The following GPR89A variants were observed in gnomAD, a reference collection of about 807,000 sequenced individuals.
GPR89A encodes G protein-coupled receptor 89A.
Under a neutral mutation model 52.0 loss-of-function variants are expected in GPR89A, and 16 were observed. That is an observed-to-expected ratio of 0.31 (90% CI 0.21 to 0.47). The LOEUF is 0.47. Among genes scored for constraint, GPR89A ranks in the 20% least tolerant of loss-of-function variants. The pLI is 1.00. For missense variants in GPR89A, 135 were observed against 449.4 expected (o/e 0.30, Z 6.33); for synonymous variants, 55 against 150.9 (o/e 0.36, Z 4.66).
intron 7 of GPR89A, among the ~76,000 whole-genome samples, chr1:145,634,955 T>C (rs1313623385): frequency 1.3e-5 from 2 of 152,150 alleles, no homozygotes; most frequent in African/African-American, 4.8e-5. Context: ...ATGAAGCTTA[T>C]TAGTCTACTC....
chr1:145,657,830 CTG>C (rs1185960855), intron 10 of GPR89A, among the ~76,000 whole-genome samples: 12 of 149,392 alleles, frequency 8.0e-5, no homozygotes, highest in East Asian at 2.0e-4. Flanking sequence ...CCTGTAGAGA[CTG>C]TTATTTTTTT....
intron 3 of GPR89A, among the ~76,000 whole-genome samples, chr1:145,620,191 A>G (rs1227462537): frequency 6.6e-6 from 1 of 152,152 alleles, no homozygotes; most frequent in Non-Finnish European, 1.5e-5. Context: ...TCTTCTGTAA[A>G]GGGCCAGATA....
intron 5 of GPR89A, among the ~76,000 whole-genome samples, chr1:145,626,133 T>C (rs1553688991): frequency 6.6e-6 from 1 of 150,688 alleles, no homozygotes; most frequent in African/African-American, 2.5e-5. Context: ...AGTTCTCATA[T>C]AAACCTATTT....
At chr1:145,660,916 G>A (rs1271800550) in intron 10 of GPR89A, among the ~76,000 whole-genome samples, 1 of 151,662 alleles carries the variant, frequency 6.6e-6, no homozygotes, top group Non-Finnish European at 1.5e-5. Flanking sequence ...CAGGGATCTA[G>A]AACTAGAAAT....
intron 3 of GPR89A, among the ~76,000 whole-genome samples, chr1:145,619,765 C>T (rs1230530652): frequency 2.0e-5 from 3 of 152,050 alleles, no homozygotes; most frequent in Non-Finnish European, 4.4e-5. Context: ...CCTGTAATCC[C>T]AGCACTTTGG....
Position 145,670,474 on chromosome 1 carries a change from T to TAAAA in GPR89A, c.*435_*436insAAAA, listed in dbSNP as rs1559055023. On this transcript the variant is annotated 3_prime_UTR_variant, in exon 14 of 14. Coordinates refer to ENST00000313835, the MANE Select transcript of GPR89A (RefSeq NM_001097612.2). Reference sequence around the variant, plus strand: ...ATCAGAGACTGTAACACTTTTGCCTTACGTTCATTTTATCAAGCATAGCTT... The same window carrying TAAAA: ...ATCAGAGACTGTAACACTTTTGCCTTAAAAACGTTCATTTTATCAAGCATAGCTT... 3.6e-6 allele frequency: 1 copy of TAAAA among 274,892 alleles called. No homozygotes were observed. The highest frequency in any genetic ancestry group is 2.2e-5 in the African/African-American group (1 of 44,826). The allele number at this position is 274,892 out of a possible 1,614,324, so 17.0% of individuals were successfully genotyped here. A position where few individuals can be genotyped will look rare whatever the true frequency, so the allele number is the denominator to read the frequency against.
At chr1:145,650,765 C>T (rs1214715545) in intron 10 of GPR89A, among the ~76,000 whole-genome samples, 17 of 150,508 alleles carry the variant, frequency 1.1e-4, no homozygotes, top group Non-Finnish European at 1.9e-4. Flanking sequence ...TTTTTTCATA[C>T]GTTTGTTGGC....
intron 2 of GPR89A, among the ~76,000 whole-genome samples, chr1:145,617,793 C>T (rs1559024263): frequency 1.3e-5 from 2 of 152,168 alleles, no homozygotes; most frequent in Non-Finnish European, 2.9e-5. Context: ...CTAGTTAGTT[C>T]TCCTAATTAG....
intron 12 of GPR89A, among the ~76,000 whole-genome samples, chr1:145,668,090 T>C (rs1553696783): frequency 6.6e-6 from 1 of 152,214 alleles, no homozygotes; most frequent in African/African-American, 2.4e-5. Flanking sequence ...TAGAGTAGTT[T>C]TTTCCAATTC....
Position 145,613,240 on chromosome 1 carries a change from A to G in GPR89A, c.43-2994A>G, listed in dbSNP as rs1648426213. On this transcript the variant is annotated intron_variant, in intron 1 of 13. Coordinates refer to ENST00000313835, the MANE Select transcript of GPR89A (RefSeq NM_001097612.2). ...TCTTTCTCCAGTATTCTTTATATAA[A>G]TTGGGTAGCTTCACTCTTCATCCTG... Among the ~76,000 whole-genome samples, 3 of 150,964 alleles carry G rather than the reference A, an allele frequency of 2.0e-5. No homozygotes were observed. The South Asian group carries it at 6.3e-4, about 32-fold the overall frequency.
At chr1:145,642,859 C>G (rs1650744892) in intron 7 of GPR89A, among the ~76,000 whole-genome samples, 1 of 151,672 alleles carries the variant, frequency 6.6e-6, no homozygotes, top group Non-Finnish European at 1.5e-5. Context: ...CACTAGGACC[C>G]TGTTGATACC....
chr1:145,641,495 A>G (rs1355050847), intron 7 of GPR89A, among the ~76,000 whole-genome samples: 3 of 150,774 alleles, frequency 2.0e-5, no homozygotes, highest in African/African-American at 5.0e-5. Context: ...ATCTGGGTAA[A>G]GGGTACATGG....
intron 1 of GPR89A, chr1:145,608,381 C>T (rs1553685426): frequency 6.2e-6 from 6 of 962,382 alleles, no homozygotes; most frequent in East Asian, 2.6e-5. Flanking sequence ...TGCGGCCGTC[C>T]GCGTCCCCAC....
chr1:145,657,240 A>G (rs1302700378), intron 10 of GPR89A, among the ~76,000 whole-genome samples: 22 of 148,390 alleles, frequency 1.5e-4, no homozygotes, highest in Non-Finnish European at 2.8e-4. Context: ...CAAAACAATA[A>G]AAATTAACTG....
intron 10 of GPR89A, among the ~76,000 whole-genome samples, chr1:145,662,396 T>C (rs1167617098): frequency 6.6e-6 from 1 of 152,074 alleles, no homozygotes; most frequent in Non-Finnish European, 1.5e-5. Flanking sequence ...CCGACATTAA[T>C]ATAGACATTC....
chr1:145,626,939 C>G, intron 5 of GPR89A, among the ~76,000 whole-genome samples: 1 of 7,316 alleles, frequency 1.4e-4, no homozygotes, highest in Non-Finnish European at 1.4e-3. Context: ...GGCGACAGAG[C>G]GAGACTCTAC....
intron 1 of GPR89A, 79 bp downstream of exon 1, chr1:145,608,254 C>T (rs1485429026): frequency 2.5e-6 from 4 of 1,583,668 alleles, no homozygotes; most frequent in South Asian, 2.2e-5. Context: ...GCGGTGCGGG[C>T]TGGTCCGGGG....
chr1:145,646,675 G>A (rs1174124400), intron 9 of GPR89A: 60 of 228,482 alleles, frequency 2.6e-4, no homozygotes, highest in Admixed American at 5.1e-4. Flanking sequence ...AATAAGTGTC[G>A]AAACTGTAAG....
At chr1:145,639,821 C>A (rs1650512731) in intron 7 of GPR89A, among the ~76,000 whole-genome samples, 2 of 150,438 alleles carry the variant, frequency 1.3e-5, no homozygotes, top group South Asian at 4.2e-4. Flanking sequence ...GATGCAAAAG[C>A]AGTTCAGTGG....
Sources: gnomAD v4.1 joint callset for allele counts (sites outside exome capture counted in the v4.1 genomes callset) on GRCh38, gnomAD v4.1.1 for gene constraint, MANE v1.5 for transcripts, NCBI Gene and HGNC (gene_info 2026-07-23, HGNC 2026-07-21) for gene names.